CEP89: variants seen among roughly 807,000 people sequenced by gnomAD.
CEP89 encodes centrosomal protein 89.
CEP89 carries 95 observed loss-of-function variants against 97.6 expected under a neutral mutation model. The observed-to-expected ratio is 0.97, with a 90% CI of 0.82 to 1.15. CEP89 has a LOEUF of 1.15. CEP89 is among the 50% of genes most tolerant of loss of function. CEP89 has a pLI of 0.00. For synonymous variants in CEP89, 354 were observed against 349.1 expected, an observed-to-expected ratio of 1.01 and a Z score of -0.16; for missense variants, 869 against 947.7, an observed-to-expected ratio of 0.92 and a Z score of 1.09.
Position 32,899,134 on chromosome 19 carries a change from T to TCC in CEP89, c.1875+722_1875+723insGG, listed in dbSNP as rs201368118. 4.4e-4 allele frequency among the ~76,000 whole-genome samples: 35 copies of TCC among 78,938 alleles called. 4 individuals are homozygous for TCC. The highest frequency in any genetic ancestry group is 1.5e-3 in the African/African-American group (28 of 19,300). 51.8% of individuals were successfully genotyped at this position (78,938 alleles called of 152,430 possible). ...TCTCAAGACTGGTTTAATTAGCATT[T>TCC]TTTTTTTTTTTTTAGGGACAGGGTC... On this transcript the variant is annotated intron_variant, in intron 16 of 18. Transcript: ENST00000305768.
rs112787271 is a variant in CEP89, at chr19:32,948,403, G to A, written c.493-35C>T. On this transcript the variant is annotated intron_variant, in intron 4 of 18. Transcript: ENST00000305768. ...ATAAAAGACAAAGGAGCAAAAAAGT[G>A]AGAAAGGTAACCTTTATATACAGCA... The A allele has an allele frequency of 1.5e-3, 2,061 of 1,378,546 alleles. 30 individuals are homozygous for A. The African/African-American group carries it at 0.026, about 18-fold the overall frequency. 85.4% of individuals were successfully genotyped at this position (1,378,546 alleles called of 1,614,324 possible). A position where few individuals can be genotyped will look rare whatever the true frequency, so the allele number is the denominator to read the frequency against.
At chr19:32,919,987 A>G (rs377329197) in intron 12 of CEP89, among the ~76,000 whole-genome samples, 3 of 152,042 alleles carry the variant, frequency 2.0e-5, no homozygotes, top group African/African-American at 7.2e-5. Flanking sequence ...TTATTTGTTC[A>G]TTCATTCATT....
rs367589033 is a variant in CEP89 at position 32,944,901 on chromosome 19, T to C, written c.595+3365A>G. On this transcript the variant is annotated intron_variant, in intron 5 of 18. Coordinates refer to ENST00000305768, the MANE Select transcript of CEP89 (RefSeq NM_032816.5). ...CTGATGGAAGCCACTGCACTTTACA[T>C]TGTCACTTCATTTATGAGACAGACA... 6.6e-5 allele frequency among the ~76,000 whole-genome samples: 10 copies of C among 152,148 alleles called. 1 individual carries two copies. The highest frequency in any genetic ancestry group is 5.2e-4 in the Admixed American group (8 of 15,274).
At chr19:32,963,341 A>C (rs977986780) in intron 2 of CEP89, among the ~76,000 whole-genome samples, 1 of 152,138 alleles carries the variant, frequency 6.6e-6, no homozygotes, top group African/African-American at 2.4e-5. Context: ...GGGTGACAGA[A>C]TGAGACTCTG....
intron 18 of CEP89, among the ~76,000 whole-genome samples, chr19:32,879,646 T>G (rs552324337): frequency 6.6e-6 from 1 of 152,274 alleles, no homozygotes; most frequent in East Asian, 1.9e-4. Context: ...GCACAGGCAT[T>G]TCTCTTCCCT....
chr19:32,879,216 C>T lies in CEP89; in HGVS notation c.2298G>A (p.Leu766=). 6.2e-7 allele frequency: 1 copy of T among 1,614,136 alleles called. No individual in the cohort carries two copies. The highest frequency in any genetic ancestry group is 1.1e-5 in the South Asian group (1 of 91,072). The change falls in exon 19 of 19, where the codon CTG becomes CTA. Residue 766 remains leucine, a synonymous_variant. Transcript: ENST00000305768. ...SLNGVSQADL[L]DGCDVCSYDL... ...CATAGGAGCAGACATCGCAGCCGTC[C>T]AGCAGGTCTGCCTGAGAGACGCCAT...
chr19:32,907,155 T>C (rs1356107926), intron 14 of CEP89, among the ~76,000 whole-genome samples: 2 of 151,842 alleles, frequency 1.3e-5, no homozygotes, highest in Non-Finnish European at 2.9e-5. Flanking sequence ...AGAACAGGAG[T>C]CCAAGACCAA....
chr19:32,915,300 GAAAAAAAAAAA>G, intron 14 of CEP89, 26 bp downstream of exon 14: 1 of 1,221,810 alleles, frequency 8.2e-7, no homozygotes, highest in South Asian at 1.5e-5. Flanking sequence ...CTCGAAAAAA[GAAAAAAAAAAA>G]AAAAGAAAAA....
In CEP89 at chr19:32,971,936, G is replaced by A; in HGVS notation, c.-62C>T. 1.3e-6 allele frequency: 2 copies of A among 1,541,906 alleles called. No individual in the cohort carries two copies. The highest frequency in any genetic ancestry group is 1.4e-5 in the African/African-American group (1 of 72,958). On this transcript the variant is annotated 5_prime_UTR_variant, in exon 1 of 19. Coordinates refer to ENST00000305768, the MANE Select transcript of CEP89 (RefSeq NM_032816.5). ...TCATCAGCAGATCTATCCACAGCCA[G>A]GGACCACTCCCTAAAGCCCGCCGCA...
chr19:32,946,256 C>CA (rs1199170517), intron 5 of CEP89, among the ~76,000 whole-genome samples: 7 of 152,124 alleles, frequency 4.6e-5, no homozygotes, highest in African/African-American at 1.7e-4. Context: ...TGTGAGCCAC[C>CA]ATGCGCAGCT....
intron 16 of CEP89, among the ~76,000 whole-genome samples, chr19:32,898,513 A>C (rs373413546): frequency 6.6e-6 from 1 of 152,220 alleles, no homozygotes; most frequent in African/African-American, 2.4e-5. Context: ...TAGGTTGACT[A>C]AAGTTAACAA....
At chr19:32,935,453 C>A (rs1490126616) in intron 7 of CEP89, among the ~76,000 whole-genome samples, 1 of 152,158 alleles carries the variant, frequency 6.6e-6, no homozygotes, top group Non-Finnish European at 1.5e-5. Flanking sequence ...TAGTCAGTGT[C>A]ACAGAAATCA....
intron 18 of CEP89, among the ~76,000 whole-genome samples, chr19:32,879,726 C>T (rs1270037358): frequency 6.6e-6 from 1 of 152,184 alleles, no homozygotes; most frequent in Non-Finnish European, 1.5e-5. Context: ...TTGGGCGTGT[C>T]GAATAAGGAA....
intron 14 of CEP89, among the ~76,000 whole-genome samples, chr19:32,906,549 A>G (rs1487108244): frequency 6.6e-6 from 1 of 151,946 alleles, no homozygotes; most frequent in South Asian, 2.1e-4. Context: ...CATTACATTT[A>G]TCTATATATT....
chr19:32,963,259 A>C lies in CEP89; in HGVS notation c.146+3101T>G, dbSNP rs181999246. Among the ~76,000 whole-genome samples, 648 of 152,234 alleles carry C rather than the reference A, an allele frequency of 4.3e-3. 5 individuals are homozygous for C. Among genetic ancestry groups the C allele is most frequent in the African/African-American group, 0.015 (630 of 41,540 alleles). On this transcript the variant is annotated intron_variant, in intron 2 of 18. Transcript: ENST00000305768. ...TAATCCCAGCTACTTAGGAGGCTGA[A>C]GCATGAGAATCGCTTGAATCCAGGA...
chr19:32,887,061 C>G (rs1969414132), intron 17 of CEP89, among the ~76,000 whole-genome samples: 1 of 150,450 alleles, frequency 6.6e-6, no homozygotes, highest in Non-Finnish European at 1.5e-5. Flanking sequence ...CACCATGGTG[C>G]TTGCCTGTAG....
At position 32,956,212 on chromosome 19, in the gene CEP89, C is replaced by T. The variant is rs9676401; in HGVS notation, c.306-2411G>A. Among the ~76,000 whole-genome samples the T allele has an allele frequency of 2.9e-3, 434 of 151,514 alleles. 2 individuals carry two copies. Among genetic ancestry groups the T allele is most frequent in the African/African-American group, 1.0e-2 (411 of 41,294 alleles). ...CTGGGACTACAGGCGCCCGCCACCA[C>T]GCCAGCTAATTTTTTGTATTTTTAG... On this transcript the variant is annotated intron_variant, in intron 3 of 18. Transcript: ENST00000305768.
chr19:32,960,612 A>G (rs916919481), intron 2 of CEP89, among the ~76,000 whole-genome samples: 14 of 152,228 alleles, frequency 9.2e-5, no homozygotes, highest in African/African-American at 3.4e-4. Flanking sequence ...GATCGAGACC[A>G]GCCTGGCTAA....
intron 7 of CEP89, 118 bp downstream of exon 7, chr19:32,937,513 G>T: frequency 1.2e-6 from 1 of 853,832 alleles, no homozygotes; most frequent in Non-Finnish European, 1.9e-6. Context: ...AGGCAAGGGT[G>T]AAAGTTCAAC....
Sources: allele counts gnomAD v4.1 joint callset (sites outside exome capture counted in the v4.1 genomes callset), GRCh38; gene constraint gnomAD v4.1.1; transcripts MANE v1.5; gene names NCBI Gene and HGNC (gene_info 2026-07-23, HGNC 2026-07-21).